The following FBXL20 variants were observed in gnomAD, a reference collection of about 807,000 sequenced individuals.
The protein encoded by FBXL20 is F-box/LRR-repeat protein 20.
FBXL20 carries 11 observed loss-of-function variants against 64.0 expected under a neutral mutation model. The observed-to-expected ratio is 0.17, with a 90% CI of 0.11 to 0.28. The LOEUF (loss-of-function observed/expected upper bound fraction) is 0.28. Ranked by LOEUF, FBXL20 falls within the 10% of genes least tolerant of loss-of-function variation. The probability of loss-of-function intolerance (pLI) is 1.00; values close to 1 mark genes in which losing one functional copy is unlikely to be tolerated. For synonymous variants in FBXL20, 184 were observed against 189.0 expected (o/e 0.97, Z 0.22); for missense variants, 303 against 526.2 (o/e 0.58, Z 4.15).
At chr17:39,329,614 T>C (rs1018637180) in intron 2 of FBXL20, among the ~76,000 whole-genome samples, 6 of 152,288 alleles carry the variant, frequency 3.9e-5, no homozygotes, top group South Asian at 2.1e-4. Flanking sequence ...TATGTATATA[T>C]AATGTTTTTG....
At chr17:39,339,970 G>T (rs866286350) in intron 2 of FBXL20, among the ~76,000 whole-genome samples, 1 of 151,150 alleles carries the variant, frequency 6.6e-6, no homozygotes, top group Non-Finnish European at 1.5e-5. Flanking sequence ...ATGCAGTCTC[G>T]CTTTGTCGCC....
At chr17:39,340,158 G>A (rs778260677) in intron 2 of FBXL20, among the ~76,000 whole-genome samples, 7 of 151,898 alleles carry the variant, frequency 4.6e-5, no homozygotes, top group Non-Finnish European at 7.4e-5. Flanking sequence ...GCGCGGTGGC[G>A]CGATCTTGGC....
chr17:39,381,175 T>C (rs1004348927), intron 1 of FBXL20, among the ~76,000 whole-genome samples: 17 of 143,980 alleles, frequency 1.2e-4, no homozygotes, highest in African/African-American at 4.4e-4. Context: ...AAAAAAAAAG[T>C]TGTTAATAAA....
chr17:39,388,633 G>A (rs995025282), intron 1 of FBXL20, among the ~76,000 whole-genome samples: 25 of 150,946 alleles, frequency 1.7e-4, no homozygotes, highest in African/African-American at 4.6e-4. Flanking sequence ...ACAGGCGCCC[G>A]CCACCATGCC....
upstream of FBXL20, chr17:39,401,776 T>A: frequency 1.1e-6 from 1 of 949,704 alleles, no homozygotes; most frequent in Non-Finnish European, 1.3e-6. Flanking sequence ...AGACCACCCC[T>A]CCCCCACACG....
intron 1 of FBXL20, among the ~76,000 whole-genome samples, chr17:39,370,753 C>A (rs2047909658): frequency 6.7e-6 from 1 of 150,278 alleles, no homozygotes; most frequent in Non-Finnish European, 1.5e-5. Flanking sequence ...CGAGATCGCG[C>A]CACTGCACTC....
At chr17:39,381,746 T>C (rs1002750731) in intron 1 of FBXL20, among the ~76,000 whole-genome samples, 5 of 150,162 alleles carry the variant, frequency 3.3e-5, no homozygotes, top group African/African-American at 7.4e-5. Context: ...TGAGCCATGA[T>C]TGCACCATTG....
intron 1 of FBXL20, among the ~76,000 whole-genome samples, chr17:39,360,511 G>GT (rs2047784359): frequency 6.6e-6 from 1 of 152,158 alleles, no homozygotes; most frequent in Non-Finnish European, 1.5e-5. Context: ...GGTTACGGTA[G>GT]TAACAGTGTT....
chr17:39,391,643 G>A (rs1041872854), intron 1 of FBXL20, among the ~76,000 whole-genome samples: 9 of 152,092 alleles, frequency 5.9e-5, no homozygotes, highest in African/African-American at 2.2e-4. Context: ...TCACCTTAAA[G>A]CTGTCATTGT....
In FBXL20 at chr17:39,401,352, A is replaced by C. The variant is rs906885264; in HGVS notation, c.42+9T>G. ...CTCCTCACGCCGCCCGAGCCCCCCA[A>C]GCTCACACCTCAAACCTGCTCTTGG... On this transcript the variant is annotated intron_variant, in intron 1 of 14. Coordinates refer to ENST00000264658, the MANE Select transcript of FBXL20 (RefSeq NM_032875.3). 5 of 1,612,828 alleles carry C rather than the reference A, an allele frequency of 3.1e-6. No individual in the cohort carries two copies. Among genetic ancestry groups the C allele is most frequent in the Non-Finnish European group, 4.2e-6 (5 of 1,179,572 alleles).
chr17:39,354,931 G>T (rs1597815702), intron 1 of FBXL20, among the ~76,000 whole-genome samples: 1 of 134,256 alleles, frequency 7.4e-6, no homozygotes, highest in South Asian at 2.1e-4. Context: ...TGGTTTTTTT[G>T]TTTGTTTGTT....
chr17:39,385,349 T>C (rs2048068393), intron 1 of FBXL20, among the ~76,000 whole-genome samples: 2 of 150,982 alleles, frequency 1.3e-5, no homozygotes, highest in African/African-American at 4.9e-5. Flanking sequence ...ACATAAATGG[T>C]TACCTCTGGG....
chr17:39,312,918 C>CTT (rs56972736), intron 2 of FBXL20, among the ~76,000 whole-genome samples: 33,444 of 110,368 alleles, frequency 0.3, 6,333 homozygotes, highest in African/African-American at 0.49. Context: ...AAGATAGTTA[C>CTT]TTTTTTTTTT....
intron 11 of FBXL20, among the ~76,000 whole-genome samples, chr17:39,270,288 AATCTC>A (rs547899218): frequency 1.6e-3 from 244 of 152,300 alleles, no homozygotes; most frequent in African/African-American, 5.7e-3. Context: ...TCACGTCTGT[AATCTC>A]ATCACTTTGG....
In FBXL20 at chr17:39,261,253, C is replaced by T. The variant is rs1567853639; in HGVS notation, c.*207G>A. On this transcript the variant is annotated 3_prime_UTR_variant, in exon 15 of 15. Transcript: ENST00000264658. Reference sequence around the variant, plus strand: ...TACTTGATAAAAAAGCCATCACAAACTTCAGTCCCATGGTCACAAAGCTAG... The same window carrying T: ...TACTTGATAAAAAAGCCATCACAAATTTCAGTCCCATGGTCACAAAGCTAG... 1 of 502,366 alleles carries T rather than the reference C, an allele frequency of 2.0e-6. No homozygotes were observed. 31.1% of individuals were successfully genotyped at this position (502,366 alleles called of 1,614,324 possible).
At chr17:39,263,890 T>TC (rs199617294) in intron 14 of FBXL20, 2 of 230,062 alleles carry the variant, frequency 8.7e-6, no homozygotes, top group Non-Finnish European at 1.7e-5. Flanking sequence ...TTTTTTTTTT[T>TC]CTTCAATCTG....
chr17:39,312,623 G>C (rs1041999915), intron 2 of FBXL20, among the ~76,000 whole-genome samples: 5 of 132,434 alleles, frequency 3.8e-5, no homozygotes, highest in Non-Finnish European at 7.9e-5. Context: ...CCCTGGGCTG[G>C]AGTGCAGTGG....
intron 6 of FBXL20, among the ~76,000 whole-genome samples, chr17:39,289,790 T>C (rs1039177573): frequency 6.6e-6 from 1 of 151,878 alleles, no homozygotes; most frequent in African/African-American, 2.4e-5. Context: ...AGGCCAGTAG[T>C]TCAAGACCAG....
chr17:39,373,960 G>A (rs954206580), intron 1 of FBXL20, among the ~76,000 whole-genome samples: 1 of 152,134 alleles, frequency 6.6e-6, no homozygotes, highest in East Asian at 1.9e-4. Flanking sequence ...GGTGGTCCAC[G>A]CCTGTATTCC....
Sources: gnomAD v4.1 joint callset for allele counts (sites outside exome capture counted in the v4.1 genomes callset) on GRCh38, gnomAD v4.1.1 for gene constraint, MANE v1.5 for transcripts, NCBI Gene and HGNC (gene_info 2026-07-23, HGNC 2026-07-21) for gene names.